SAMSN1: variants seen among roughly 807,000 people sequenced by gnomAD.
SAMSN1 encodes SAM domain, SH3 domain and nuclear localization signals 1.
In SAMSN1, 31 loss-of-function variants were observed where a neutral mutation model predicts 42.0. The ratio of observed to expected loss-of-function variants is 0.74; its 90% CI spans 0.55 to 1.00. The LOEUF is 1.00. Ranked by LOEUF, SAMSN1 falls within the 50% of genes least tolerant of loss-of-function variation. SAMSN1 has a pLI of 0.00. For synonymous variants in SAMSN1, 178 were observed against 151.9 expected (o/e 1.17, Z -1.26); for missense variants, 464 against 439.4 (o/e 1.06, Z -0.50).
intron 1 of SAMSN1, among the ~76,000 whole-genome samples, chr21:14,649,052 A>C (rs1983774844): frequency 1.3e-5 from 2 of 152,128 alleles, no homozygotes; most frequent in Admixed American, 6.5e-5. Context: ...TGGATTAAGA[A>C]AATGTGGCAC....
At chr21:14,638,444 G>A (rs1361594053) in intron 2 of SAMSN1, among the ~76,000 whole-genome samples, 1 of 151,992 alleles carries the variant, frequency 6.6e-6, no homozygotes, top group Non-Finnish European at 1.5e-5. Flanking sequence ...TCTAGGGCAG[G>A]GGTTAGCAAA....
chr21:14,603,939 G>A (rs965020173), intron 5 of SAMSN1, among the ~76,000 whole-genome samples: 4 of 152,074 alleles, frequency 2.6e-5, no homozygotes, highest in African/African-American at 9.7e-5. Context: ...CAAATATACG[G>A]ATTTTAATGT....
intron 2 of SAMSN1, among the ~76,000 whole-genome samples, chr21:14,642,117 TGAGGAGGAC>T (rs1219948452): frequency 6.6e-6 from 1 of 152,186 alleles, no homozygotes; most frequent in Admixed American, 6.5e-5. Context: ...TTGAGTAGGC[TGAGGAGGAC>T]GAGGAATAGG....
intron 5 of SAMSN1, among the ~76,000 whole-genome samples, chr21:14,605,777 A>T (rs1260714342): frequency 6.6e-6 from 1 of 151,732 alleles, no homozygotes; most frequent in Non-Finnish European, 1.5e-5. Context: ...CTCCTTTTAT[A>T]ATTAATCTCA....
chr21:14,544,044 C>A (rs78047314), intron 1 of SAMSN1, among the ~76,000 whole-genome samples: 2 of 152,126 alleles, frequency 1.3e-5, no homozygotes, highest in Non-Finnish European at 2.9e-5. Flanking sequence ...ACAGCATCCA[C>A]CTCTGCCAAT....
At chr21:14,631,890 T>C (rs908877348) in intron 2 of SAMSN1, among the ~76,000 whole-genome samples, 16 of 150,692 alleles carry the variant, frequency 1.1e-4, no homozygotes, top group African/African-American at 3.7e-4. Context: ...GATCTGAAAA[T>C]CAATGTGTAG....
intron 1 of SAMSN1, among the ~76,000 whole-genome samples, chr21:14,539,770 C>A (rs915609269): frequency 3.9e-5 from 6 of 152,148 alleles, no homozygotes; most frequent in Non-Finnish European, 8.8e-5. Context: ...CAATGACTTA[C>A]TCCACAGAAT....
chr21:14,549,462 G>T (rs949144120), upstream of SAMSN1, among the ~76,000 whole-genome samples: 12 of 152,124 alleles, frequency 7.9e-5, no homozygotes, highest in African/African-American at 2.7e-4. Context: ...TCTCTAACAT[G>T]AAGAGTTGGT....
At chr21:14,546,363 T>C (rs1600922114), upstream of SAMSN1, 2 of 1,526,366 alleles carry the variant, frequency 1.3e-6, no homozygotes, top group South Asian at 1.3e-5. Flanking sequence ...CAGATAAGGT[T>C]GAGCCCAGGG....
chr21:14,536,880 TGGATA>T (rs1979657924), intron 1 of SAMSN1, among the ~76,000 whole-genome samples: 2 of 152,174 alleles, frequency 1.3e-5, no homozygotes, highest in Admixed American at 6.5e-5. Context: ...AACATCCAAA[TGGATA>T]AAGTAAGTAC....
At chr21:14,606,576 A>T (rs1160819202) in intron 5 of SAMSN1, among the ~76,000 whole-genome samples, 2 of 152,186 alleles carry the variant, frequency 1.3e-5, no homozygotes, top group African/African-American at 4.8e-5. Context: ...AATAAATATT[A>T]TAAATATTCT....
intron 2 of SAMSN1, among the ~76,000 whole-genome samples, chr21:14,624,828 A>G (rs1983118489): frequency 6.6e-6 from 1 of 152,220 alleles, no homozygotes; most frequent in Non-Finnish European, 1.5e-5. Flanking sequence ...CAACCAAAAA[A>G]GAGAATTTTA....
rs151160030 is a variant in SAMSN1, at chr21:14,582,274, C to A, written c.123G>T (p.Lys41Asn). 2.5e-3 allele frequency: 3,801 copies of A among 1,550,850 alleles called. 9 individuals carry two copies. Among genetic ancestry groups the A allele is most frequent in the Non-Finnish European group, 3.0e-3 (3,396 of 1,147,044 alleles). ...TCCAGAGAGGGTTTTCAGGAAAAGGCTTCCAGTGATGCCACATGTAAGCTT... is the reference window on the plus strand; with the variant it reads ...TCCAGAGAGGGTTTTCAGGAAAAGGATTCCAGTGATGCCACATGTAAGCTT... The change falls in exon 2 of 9, where the codon AAG (lysine) becomes AAT (asparagine). Residue 41 changes from lysine to asparagine, a missense_variant. Physicochemically the swap from Lys to Asn is moderately conservative, Grantham distance 94. Transcript: ENST00000285670.
At chr21:14,629,718 C>T (rs888341606) in intron 2 of SAMSN1, among the ~76,000 whole-genome samples, 3 of 152,132 alleles carry the variant, frequency 2.0e-5, no homozygotes, top group African/African-American at 7.2e-5. Context: ...GTAAATTGCA[C>T]GAACTTTGCC....
chr21:14,488,369 A>G (rs1300413748), intron 7 of SAMSN1, among the ~76,000 whole-genome samples: 4 of 152,114 alleles, frequency 2.6e-5, no homozygotes, highest in Non-Finnish European at 5.9e-5. Flanking sequence ...TTTGTTCCCA[A>G]CACTCTGTTC....
intron 2 of SAMSN1, among the ~76,000 whole-genome samples, chr21:14,617,096 A>G (rs2822810): frequency 0.1 from 15,450 of 152,236 alleles, 2,278 homozygotes; most frequent in African/African-American, 0.33. Flanking sequence ...CTCGAGGAGC[A>G]CATATTACCA....
intron 7 of SAMSN1, chr21:14,592,301 GTATC>G (rs1568823008): frequency 6.6e-6 from 1 of 152,336 alleles, no homozygotes; most frequent in African/African-American, 2.4e-5. Flanking sequence ...TTTTTATTAA[GTATC>G]TATTGGATTC....
At chr21:14,502,689 A>G (rs1368258320) in intron 5 of SAMSN1, among the ~76,000 whole-genome samples, 1 of 152,032 alleles carries the variant, frequency 6.6e-6, no homozygotes, top group Non-Finnish European at 1.5e-5. Flanking sequence ...CTCTCCCACA[A>G]TGGTTACTAG....
intron 7 of SAMSN1, among the ~76,000 whole-genome samples, chr21:14,590,383 T>A (rs1444647775): frequency 1.6e-4 from 24 of 151,862 alleles, no homozygotes; most frequent in Non-Finnish European, 4.4e-5. Flanking sequence ...GCTCAGGAGG[T>A]CCTCCCATCT....
Sources: allele counts gnomAD v4.1 joint callset (sites outside exome capture counted in the v4.1 genomes callset), GRCh38; gene constraint gnomAD v4.1.1; transcripts MANE v1.5; gene names NCBI Gene and HGNC (gene_info 2026-07-23, HGNC 2026-07-21).